Variants in FAM53A observed in about 807,000 individuals in gnomAD.
FAM53A encodes the protein protein FAM53A.
In FAM53A, 28 loss-of-function variants were observed where a neutral mutation model predicts 26.6. The ratio of observed to expected loss-of-function variants is 1.05; its 90% CI spans 0.78 to 1.45. The LOEUF (loss-of-function observed/expected upper bound fraction) is 1.45. Among genes scored for constraint, FAM53A ranks in the 40% most tolerant of loss-of-function variants. The pLI, the probability that FAM53A is intolerant of heterozygous loss-of-function variation, is 0.00. For missense variants in FAM53A, 650 were observed against 575.8 expected (o/e 1.13, Z -1.32); for synonymous variants, 290 against 253.1 (o/e 1.15, Z -1.38).
At chr4:1,639,169 G>T (rs1215185991), downstream of FAM53A, among the ~76,000 whole-genome samples, 1 of 152,014 alleles carries the variant, frequency 6.6e-6, no homozygotes, top group Non-Finnish European at 1.5e-5. Context: ...AGATTGCCAT[G>T]TCCTGCAGAC....
intron 2 of FAM53A, among the ~76,000 whole-genome samples, chr4:1,665,682 G>A (rs1714171797): frequency 6.6e-6 from 1 of 152,114 alleles, no homozygotes; most frequent in African/African-American, 2.4e-5. Flanking sequence ...GGGTCAGCAG[G>A]AGCAGGAGCA....
the FAM53A span, among the ~76,000 whole-genome samples, chr4:1,588,853 C>T: frequency 6.6e-6 from 1 of 152,232 alleles, no homozygotes; most frequent in Admixed American, 6.5e-5. Context: ...TATCAGTCAG[C>T]TTTGCTAAAT....
the FAM53A span, among the ~76,000 whole-genome samples, chr4:1,576,338 G>A: frequency 6.6e-6 from 1 of 152,220 alleles, no homozygotes; most frequent in East Asian, 1.9e-4. Flanking sequence ...CATGATCAGT[G>A]GCGGCAGTAA....
chr4:1,621,101 C>CTTTTTTTTTTT (rs574102929), intron 1 of FAM53A, among the ~76,000 whole-genome samples: 1,813 of 95,384 alleles, frequency 0.019, 202 homozygotes, highest in East Asian at 0.043. Flanking sequence ...AGCTACGCTA[C>CTTTTTTTTTTT]TTTTTTTTTT....
intron 4 of FAM53A, among the ~76,000 whole-genome samples, chr4:1,653,297 G>A (rs1449897990): frequency 2.6e-5 from 4 of 152,190 alleles, no homozygotes; most frequent in Non-Finnish European, 5.9e-5. Context: ...GGTACCCCAT[G>A]TCCACACTGA....
chr4:1,599,231 GC>G, the FAM53A span, among the ~76,000 whole-genome samples: 4 of 48,570 alleles, frequency 8.2e-5, no homozygotes, highest in Non-Finnish European at 2.1e-4. This position sits in a 1 kb window ranked among gnomAD's most constrained non-coding sequence, Gnocchi z 6.1. Flanking sequence ...GGAGCGCAGG[GC>G]CGTCAGCTCC....
chr4:1,636,827 C>A (rs980638709), downstream of FAM53A, among the ~76,000 whole-genome samples: 1 of 152,164 alleles, frequency 6.6e-6, no homozygotes, highest in African/African-American at 2.4e-5. Flanking sequence ...TCAAGGGAGA[C>A]CTCCCTCCCT....
chr4:1,611,317 C>A, the FAM53A span, among the ~76,000 whole-genome samples: 1 of 152,176 alleles, frequency 6.6e-6, no homozygotes, highest in Admixed American at 6.5e-5. Flanking sequence ...GGAGGGGGGC[C>A]CCCGCCACCC....
At chr4:1,649,161 G>A (rs1234619706) in intron 4 of FAM53A, among the ~76,000 whole-genome samples, 1 of 123,738 alleles carries the variant, frequency 8.1e-6, no homozygotes, top group African/African-American at 3.3e-5. Context: ...AGGGGAAAGG[G>A]AAGGGGAAAG....
chr4:1,588,879 A>G, the FAM53A span, among the ~76,000 whole-genome samples: 1 of 152,226 alleles, frequency 6.6e-6, no homozygotes, highest in Non-Finnish European at 1.5e-5. Context: ...TATAAGTTCT[A>G]TTGATGTATC....
intron 1 of FAM53A, among the ~76,000 whole-genome samples, chr4:1,623,580 G>A (rs1400252009): frequency 1.1e-4 from 16 of 152,204 alleles, no homozygotes; most frequent in South Asian, 2.1e-4. Context: ...GGTGGGTGGC[G>A]GCTGCACGGT....
chr4:1,658,241 C>T (rs988532881), intron 2 of FAM53A, among the ~76,000 whole-genome samples: 4 of 151,888 alleles, frequency 2.6e-5, no homozygotes, highest in Non-Finnish European at 5.9e-5. Context: ...AGGATGGTCT[C>T]GATCTCTTCA....
At chr4:1,642,253 C>T (rs775304771) in intron 4 of FAM53A, among the ~76,000 whole-genome samples, 2 of 152,192 alleles carry the variant, frequency 1.3e-5, no homozygotes, top group Non-Finnish European at 2.9e-5. Context: ...TCTCAAAATA[C>T]GTGCGACAAA....
intron 2 of FAM53A, among the ~76,000 whole-genome samples, chr4:1,657,830 A>G (rs1036196910): frequency 6.6e-6 from 1 of 151,426 alleles, no homozygotes; most frequent in Non-Finnish European, 1.5e-5. Context: ...TAGTAGAGAC[A>G]GGGTTTCACC....
At chr4:1,661,359 CT>C (rs1713820093) in intron 2 of FAM53A, among the ~76,000 whole-genome samples, 2 of 152,188 alleles carry the variant, frequency 1.3e-5, no homozygotes, top group African/African-American at 4.8e-5. Context: ...ACCCCTTGGG[CT>C]CTACTTTTTT....
the FAM53A span, among the ~76,000 whole-genome samples, chr4:1,598,385 G>A: frequency 6.6e-6 from 1 of 152,224 alleles, no homozygotes; most frequent in Non-Finnish European, 1.5e-5. Flanking sequence ...CGGGAGCCAG[G>A]ACCCCCACTC....
At position 1,655,084 on chromosome 4, in the gene FAM53A, C is replaced by T. The variant is rs767230701; in HGVS notation, c.776G>A (p.Arg259His). The T allele has an allele frequency of 9.4e-6, 15 of 1,601,530 alleles. No individual in the cohort carries two copies. Among genetic ancestry groups the T allele is most frequent in the Admixed American group, 8.5e-5 (5 of 58,974 alleles). ...CCCACTGAGCACGCAAGGCTGTGAG[C>T]GGCACCGGAGCAGCCCACGGCGCCC... is the stretch of plus-strand genomic sequence containing the variant. ...LGGRRGLLRC[R>H]SQPCVLSGKR... The change falls in exon 4 of 5, where the codon CGC (arginine) becomes CAC (histidine). Residue 259 changes from arginine to histidine, a missense_variant. Arg to His is a conservative substitution (Grantham distance 29). Coordinates refer to ENST00000308132, the MANE Select transcript of FAM53A (RefSeq NM_001174070.3).
At chr4:1,618,415 T>A (rs77355106) in intron 1 of FAM53A, among the ~76,000 whole-genome samples, 5,167 of 152,272 alleles carry the variant, frequency 0.034, 252 homozygotes, top group African/African-American at 0.1. Flanking sequence ...CAGGCCCAAA[T>A]GTCCCTGGGT....
chr4:1,640,911 C>A lies in FAM53A; in HGVS notation c.*382G>T, dbSNP rs1304946834. The A allele has an allele frequency of 7.0e-6, 3 of 426,446 alleles. No homozygotes were observed. Among genetic ancestry groups the A allele is most frequent in the Non-Finnish European group, 1.3e-5 (3 of 223,670 alleles). The allele number at this position is 426,446 out of a possible 1,614,324, so 26.4% of individuals were successfully genotyped here. On this transcript the variant is annotated 3_prime_UTR_variant, in exon 5 of 5. Transcript: ENST00000308132. ...GTGCAGGCAGCAGCCATGGCCCCGA[C>A]CAGCTCACAGGAAACCTAGTCTGTG...
Sources: gnomAD v4.1 joint callset for allele counts (sites outside exome capture counted in the v4.1 genomes callset) on GRCh38, gnomAD v4.1.1 for gene constraint, Gnocchi (gnomAD v3.1) non-coding constraint, MANE v1.5 for transcripts, NCBI Gene and HGNC (gene_info 2026-07-23, HGNC 2026-07-21) for gene names.